The following NUCB2 variants were observed in gnomAD, a reference collection of about 807,000 sequenced individuals.
NUCB2 encodes nucleobindin-2.
NUCB2 carries 48 observed loss-of-function variants against 57.9 expected under a neutral mutation model. The observed-to-expected ratio is 0.83, with a 90% CI of 0.66 to 1.05. NUCB2 has a LOEUF of 1.05. Among genes scored for constraint, NUCB2 ranks in the 50% least tolerant of loss-of-function variants. The pLI is 0.00. For missense variants in NUCB2, 442 were observed against 476.2 expected (o/e 0.93, Z 0.67); for synonymous variants, 139 against 152.1 (o/e 0.91, Z 0.64).
chr11:17,282,242 A>ATCTGTC lies in NUCB2; in HGVS notation c.-155-546_-155-545insCTGTCT, dbSNP rs1465883881. Reference sequence around the variant, plus strand: ...TATCTATCTATCTATCTATCTATATATATATATATATATATATTTTTTTTT... The same window carrying ATCTGTC: ...TATCTATCTATCTATCTATCTATATATCTGTCTATATATATATATATATTTTTTTTT... On this transcript the variant is annotated intron_variant, in intron 1 of 13. Coordinates refer to ENST00000529010, the MANE Select transcript of NUCB2 (RefSeq NM_005013.4). Among the ~76,000 whole-genome samples the ATCTGTC allele has an allele frequency of 2.8e-3, 331 of 119,656 alleles. 7 individuals carry two copies. The East Asian group carries it at 0.047, about 17-fold the overall frequency. 78.5% of individuals were successfully genotyped at this position (119,656 alleles called of 152,430 possible). A position where few individuals can be genotyped will look rare whatever the true frequency, so the allele number is the denominator to read the frequency against.
At chr11:17,287,500 T>C (rs539872328) in intron 2 of NUCB2, among the ~76,000 whole-genome samples, 58 of 150,942 alleles carry the variant, frequency 3.8e-4, no homozygotes, top group African/African-American at 1.4e-3. Context: ...GACAAAACCC[T>C]GTCTCTACTA....
intron 1 of NUCB2, among the ~76,000 whole-genome samples, 171 bp from the exon 2 acceptor site, chr11:17,282,618 C>T (rs556270205): frequency 3.3e-5 from 5 of 151,952 alleles, no homozygotes; most frequent in African/African-American, 1.2e-4. Flanking sequence ...TTTCTCCCCT[C>T]CTTAATGGAA....
Position 17,342,330 on chromosome 11 carries a change from T to G in NUCB2, n.2626+4796T>G, listed in dbSNP as rs1434058604. 2.6e-5 allele frequency among the ~76,000 whole-genome samples: 4 copies of G among 152,364 alleles called. No homozygotes were observed. The East Asian group carries it at 7.7e-4, about 29-fold the overall frequency. On this transcript the variant is annotated intron_variant and non_coding_transcript_variant, in intron 2 of 2. Transcript: ENST00000532240. ...TATCTCTTTCAGTTCTGCTCTGATC[T>G]TAGTTATTTCTTGCCTTCTGCTAGC... is the stretch of plus-strand genomic sequence containing the variant.
chr11:17,340,229 A>T (rs1303744229), intron 2 of NUCB2, among the ~76,000 whole-genome samples: 1 of 151,964 alleles, frequency 6.6e-6, no homozygotes, highest in Non-Finnish European at 1.5e-5. Context: ...GTTTGAGTTC[A>T]TTGTAGATTC....
chr11:17,282,216 A>C (rs112283032), intron 1 of NUCB2, among the ~76,000 whole-genome samples: 1 of 95,140 alleles, frequency 1.1e-5, no homozygotes, highest in African/African-American at 5.6e-5. Flanking sequence ...ATCTATATCT[A>C]TATCTATCTA....
At chr11:17,294,307 T>C (rs1945443088) in intron 2 of NUCB2, among the ~76,000 whole-genome samples, 1 of 152,156 alleles carries the variant, frequency 6.6e-6, no homozygotes, top group South Asian at 2.1e-4. Flanking sequence ...CCCAGAGGTC[T>C]TGGGTACAGC....
intron 1 of NUCB2, among the ~76,000 whole-genome samples, chr11:17,278,711 G>A (rs1591134661): frequency 1.3e-5 from 2 of 152,218 alleles, no homozygotes; most frequent in East Asian, 1.9e-4. Flanking sequence ...CAATTCAGAT[G>A]TCTTTTTTGT....
intron 10 of NUCB2, 37 bp downstream of exon 10, chr11:17,312,157 A>G (rs764119088): frequency 1.4e-5 from 14 of 983,130 alleles, no homozygotes; most frequent in African/African-American, 3.3e-5. Flanking sequence ...TGTTATTTCT[A>G]TGTATTATTT....
intron 2 of NUCB2, among the ~76,000 whole-genome samples, chr11:17,342,510 G>T (rs1200867332): frequency 6.6e-6 from 1 of 151,342 alleles, no homozygotes; most frequent in Non-Finnish European, 1.5e-5. Context: ...CTGGTATGTT[G>T]TGTCTTTGTT....
At chr11:17,282,983 G>A (rs1469988108) in intron 2 of NUCB2, 40 bp downstream of exon 2, 1 of 152,000 alleles carries the variant, frequency 6.6e-6, no homozygotes, top group East Asian at 1.9e-4. Context: ...AAAGAAACAT[G>A]ACTATCACTA....
chr11:17,299,998 C>G (rs992147703), intron 4 of NUCB2, among the ~76,000 whole-genome samples: 1 of 151,732 alleles, frequency 6.6e-6, no homozygotes, highest in African/African-American at 2.4e-5. Flanking sequence ...AATTCAGTGT[C>G]TTTTTGTCTG....
At chr11:17,309,548 T>C in intron 5 of NUCB2, 24 bp from the exon 6 acceptor site, 1 of 1,277,092 alleles carries the variant, frequency 7.8e-7, no homozygotes, top group South Asian at 1.3e-5. Flanking sequence ...ATTGATCATT[T>C]ACAGTTTTCT....
At chr11:17,282,250 ATATATATAT>A (rs1183338624) in intron 1 of NUCB2, among the ~76,000 whole-genome samples, 24 of 106,546 alleles carry the variant, frequency 2.3e-4, no homozygotes, top group South Asian at 3.1e-4. Context: ...ATATATATAT[ATATATATAT>A]TTTTTTTTTT....
At chr11:17,325,946 A>T (rs1162048196) in intron 11 of NUCB2, among the ~76,000 whole-genome samples, 1 of 152,182 alleles carries the variant, frequency 6.6e-6, no homozygotes, top group African/African-American at 2.4e-5. Context: ...AAAAGAAAAT[A>T]AATACTTTAC....
chr11:17,287,972 C>T (rs753160745), intron 2 of NUCB2, among the ~76,000 whole-genome samples: 28 of 152,050 alleles, frequency 1.8e-4, no homozygotes, highest in Non-Finnish European at 1.5e-4. Flanking sequence ...CACTCCAGCA[C>T]GGGCAGTAGA....
chr11:17,288,882 T>TACACACACACACACACACAC lies in NUCB2; in HGVS notation c.-1+5989_-1+6008dup, dbSNP rs1167995024. 1.2e-3 allele frequency among the ~76,000 whole-genome samples: 52 copies of TACACACACACACACACACAC among 44,654 alleles called. 1 individual carries two copies. Among genetic ancestry groups the TACACACACACACACACACAC allele is most frequent in the Non-Finnish European group, 1.6e-3 (39 of 24,896 alleles). 29.3% of individuals were successfully genotyped at this position (44,654 alleles called of 152,430 possible). A position where few individuals can be genotyped will look rare whatever the true frequency, so the allele number is the denominator to read the frequency against. On this transcript the variant is annotated intron_variant, in intron 2 of 13. Transcript: ENST00000529010. ...TAAAGTCTATTTAATAACATGTATATACACACACACACACACACACACACA... is the reference window on the plus strand; with the variant it reads ...TAAAGTCTATTTAATAACATGTATATACACACACACACACACACACACACACACACACACACACACACACA...
chr11:17,289,276 A>G (rs756406870), intron 2 of NUCB2, among the ~76,000 whole-genome samples: 10 of 152,036 alleles, frequency 6.6e-5, no homozygotes, highest in Admixed American at 2.0e-4. Context: ...CCCTTTTGCT[A>G]GAGATTTTCT....
chr11:17,299,019 G>A (rs577150665), intron 4 of NUCB2, among the ~76,000 whole-genome samples: 76 of 152,270 alleles, frequency 5.0e-4, no homozygotes, highest in Admixed American at 3.3e-4. Flanking sequence ...TTTCAGCTAA[G>A]CATTTTGAAA....
chr11:17,311,876 C>T lies in NUCB2; in HGVS notation c.765C>T (p.Val255=). Residue 255 remains valine (V), a synonymous_variant, in exon 9 of 14, where the codon GTC becomes GTT. Coordinates refer to ENST00000529010, the MANE Select transcript of NUCB2 (RefSeq NM_005013.4). ...DPKTFFKLHD[V]NSDGFLDEQE... ...TTTGTAACTTTTAAACTTTAGATGT[C>T]AATAGTGATGGATTCCTGGATGAAC... is the stretch of plus-strand genomic sequence containing the variant. 1 of 1,584,338 alleles carries T rather than the reference C, an allele frequency of 6.3e-7. No individual in the cohort carries two copies. Among genetic ancestry groups the T allele is most frequent in the African/African-American group, 1.4e-5 (1 of 73,950 alleles).
Sources: allele counts gnomAD v4.1 joint callset (sites outside exome capture counted in the v4.1 genomes callset), GRCh38; gene constraint gnomAD v4.1.1; transcripts MANE v1.5; gene names NCBI Gene and HGNC (gene_info 2026-07-23, HGNC 2026-07-21).